MGAT5: variants seen among roughly 807,000 people sequenced by gnomAD.
MGAT5 encodes the protein alpha-1,6-mannosylglycoprotein 6-beta-N-acetylglucosaminyltransferase A.
Under a neutral mutation model 94.3 loss-of-function variants are expected in MGAT5, and 30 were observed. The observed-to-expected ratio is 0.32, with a 90% confidence interval of 0.24 to 0.43. The LOEUF (loss-of-function observed/expected upper bound fraction) is 0.43. Ranked by LOEUF, MGAT5 falls within the 20% of genes least tolerant of loss-of-function variation. The probability of loss-of-function intolerance (pLI) is 1.00; values close to 1 mark genes in which losing one functional copy is unlikely to be tolerated. For synonymous variants in MGAT5, 310 were observed against 322.9 expected, an observed-to-expected ratio of 0.96 and a Z score of 0.43; for missense variants, 691 against 905.5, an observed-to-expected ratio of 0.76 and a Z score of 3.04.
At chr2:134,347,285 G>A (rs1688975372) in intron 8 of MGAT5, among the ~76,000 whole-genome samples, 1 of 152,144 alleles carries the variant, frequency 6.6e-6, no homozygotes, top group Admixed American at 6.6e-5. Context: ...AAAGCCTCAA[G>A]TAAAAGGATG....
At position 134,269,962 on chromosome 2, in the gene MGAT5, C is replaced by A. The variant is rs553016516; in HGVS notation, c.242-424C>A. Among the ~76,000 whole-genome samples, 21 of 152,336 alleles carry A rather than the reference C, an allele frequency of 1.4e-4. No individual in the cohort carries two copies. In the East Asian group the frequency reaches 3.1e-3, roughly 22 times the overall value. On this transcript the variant is annotated intron_variant, in intron 1 of 15. Coordinates refer to ENST00000281923, the MANE Select transcript of MGAT5 (RefSeq NM_002410.5). The stretch of plus-strand genomic sequence containing the variant: ...TTAAACACTTTTTAAAAAACTGGGA[C>A]ATGCTAGAGTATGCAACACGAAAAA...
At chr2:134,242,075 T>A (rs1682004368) in intron 1 of MGAT5, among the ~76,000 whole-genome samples, 1 of 152,220 alleles carries the variant, frequency 6.6e-6, no homozygotes, top group Non-Finnish European at 1.5e-5. Context: ...TGAAGTCAAC[T>A]GGGAAAGTAC....
chr2:134,441,834 G>A lies in MGAT5; in HGVS notation c.1946G>A (p.Cys649Tyr). Residue 649 changes from cysteine to tyrosine, a missense_variant, in exon 15 of 16, where the codon TGC becomes TAC. By Grantham distance (194) the Cys-to-Tyr change is radical (BLOSUM62 -2). Around this residue, in one of 4 missense-constraint regions of MGAT5, gnomAD observed 260 missense variants for 347.0 expected, o/e 0.75. Transcript: ENST00000281923. ...AAGCTTGCTGAGCCCGGGCAGTCCT[G>A]CAAGCAGGTGTGCCAGGAGAGCCAG... ...QVKLAEPGQSCKQVCQESQLI... is the reference protein window; with the variant it reads ...QVKLAEPGQSYKQVCQESQLI... 2 of 1,614,082 alleles carry A rather than the reference G, an allele frequency of 1.2e-6. No homozygotes were observed. The highest frequency in any genetic ancestry group is 1.1e-5 in the South Asian group (1 of 91,072).
chr2:134,297,284 C>G (rs1685734320), intron 2 of MGAT5, among the ~76,000 whole-genome samples: 1 of 151,630 alleles, frequency 6.6e-6, no homozygotes. Flanking sequence ...AAAGAAAAAC[C>G]CATGCTCAGA....
chr2:134,407,649 A>T (rs182818862), intron 11 of MGAT5, among the ~76,000 whole-genome samples: 1 of 152,330 alleles, frequency 6.6e-6, no homozygotes. Flanking sequence ...GCCATTCTAG[A>T]GACAGTGATG....
intron 6 of MGAT5, among the ~76,000 whole-genome samples, chr2:134,340,044 A>C (rs1483461618): frequency 6.6e-6 from 1 of 152,188 alleles, no homozygotes; most frequent in East Asian, 1.9e-4. Context: ...GTGGAAGAGA[A>C]GAATTAATGG....
At chr2:134,127,396 C>G (rs902313075) in intron 1 of MGAT5, among the ~76,000 whole-genome samples, 3 of 152,188 alleles carry the variant, frequency 2.0e-5, no homozygotes, top group East Asian at 3.9e-4. Context: ...ACATTACACA[C>G]AAATGTAATT....
chr2:134,158,590 C>T (rs941239484), intron 1 of MGAT5, among the ~76,000 whole-genome samples: 18 of 152,130 alleles, frequency 1.2e-4, no homozygotes, highest in Admixed American at 2.6e-4. Context: ...CAGGGATGCC[C>T]GGGTCCACAG....
At chr2:134,319,069 C>G (rs1687171569) in intron 4 of MGAT5, among the ~76,000 whole-genome samples, 1 of 152,186 alleles carries the variant, frequency 6.6e-6, no homozygotes, top group South Asian at 2.1e-4. Flanking sequence ...GCAACCATCA[C>G]CACTGTCCCT....
At chr2:134,202,845 A>G (rs538277624) in intron 1 of MGAT5, among the ~76,000 whole-genome samples, 1 of 152,334 alleles carries the variant, frequency 6.6e-6, no homozygotes, top group Admixed American at 6.5e-5. Flanking sequence ...TTCTCCCCCA[A>G]AAAATCAATG....
intron 10 of MGAT5, among the ~76,000 whole-genome samples, chr2:134,380,710 G>T (rs1232790294): frequency 1.3e-5 from 2 of 152,160 alleles, no homozygotes; most frequent in Non-Finnish European, 2.9e-5. Context: ...CTTATGGTCA[G>T]ATATTGTCCT....
chr2:134,401,826 C>T (rs1444461811), intron 10 of MGAT5, among the ~76,000 whole-genome samples: 1 of 148,432 alleles, frequency 6.7e-6, no homozygotes, highest in Non-Finnish European at 1.5e-5. Flanking sequence ...GCAGTTTTCC[C>T]AGTCATGAAG....
chr2:134,248,120 G>A (rs1682387968), intron 1 of MGAT5, among the ~76,000 whole-genome samples: 2 of 152,152 alleles, frequency 1.3e-5, no homozygotes, highest in Admixed American at 1.3e-4. Flanking sequence ...TTACTACTAA[G>A]GGTAAAATCT....
upstream of MGAT5, chr2:134,253,124 A>G (rs1308150390): frequency 1.3e-5 from 2 of 152,242 alleles, no homozygotes; most frequent in African/African-American, 2.4e-5. Context: ...AGGCAGACCA[A>G]CAGTGATCCA....
intron 1 of MGAT5, among the ~76,000 whole-genome samples, chr2:134,247,720 G>C (rs1047342990): frequency 2.0e-5 from 3 of 152,160 alleles, no homozygotes; most frequent in African/African-American, 4.8e-5. Flanking sequence ...CTCTAACAGT[G>C]TTCTGTGTTT....
At chr2:134,327,384 G>A (rs1687702666) in intron 4 of MGAT5, among the ~76,000 whole-genome samples, 2 of 152,046 alleles carry the variant, frequency 1.3e-5, no homozygotes, top group South Asian at 4.1e-4. Flanking sequence ...TGAATTGCCA[G>A]CATCATTACT....
At chr2:134,411,092 A>G (rs1249201335) in intron 11 of MGAT5, among the ~76,000 whole-genome samples, 2 of 152,122 alleles carry the variant, frequency 1.3e-5, no homozygotes, top group Non-Finnish European at 2.9e-5. Flanking sequence ...GTACATTCCC[A>G]CTGTTTCCTT....
chr2:134,184,450 C>T (rs1573813253), intron 1 of MGAT5, among the ~76,000 whole-genome samples: 1 of 152,194 alleles, frequency 6.6e-6, no homozygotes, highest in Admixed American at 6.5e-5. Context: ...GCTGGGGATG[C>T]CTTCCCCACC....
chr2:134,201,309 T>C (rs1025859487), intron 1 of MGAT5, among the ~76,000 whole-genome samples: 2 of 152,080 alleles, frequency 1.3e-5, no homozygotes, highest in African/African-American at 4.8e-5. Context: ...AAGAACTATC[T>C]TTTGTTCTCT....
Sources: allele counts gnomAD v4.1 joint callset (sites outside exome capture counted in the v4.1 genomes callset), GRCh38; gene constraint gnomAD v4.1.1; regional missense constraint gnomAD v4.1.1; transcripts MANE v1.5; gene names NCBI Gene and HGNC (gene_info 2026-07-23, HGNC 2026-07-21).